The following RALYL variants were observed in gnomAD, a reference collection of about 807,000 sequenced individuals.
RALYL encodes RALY RNA binding protein like.
RALYL carries 29 observed loss-of-function variants against 35.1 expected under a neutral mutation model. The ratio of observed to expected loss-of-function variants is 0.83; its 90% confidence interval spans 0.61 to 1.13. The LOEUF is 1.13. RALYL is among the 50% of genes most tolerant of loss of function. RALYL has a pLI of 0.00. For synonymous variants in RALYL, 120 were observed against 127.6 expected (o/e 0.94, Z 0.40); for missense variants, 359 against 360.4 (o/e 1.00, Z 0.03).
intron 1 of RALYL, among the ~76,000 whole-genome samples, chr8:84,290,949 AT>A (rs1242607152): frequency 7.1e-6 from 1 of 140,348 alleles, no homozygotes; most frequent in Non-Finnish European, 1.5e-5. Flanking sequence ...TCTTTCTATA[AT>A]ACTTTTGATA....
At chr8:84,750,358 C>T (rs191721531) in intron 2 of RALYL, among the ~76,000 whole-genome samples, 21 of 152,264 alleles carry the variant, frequency 1.4e-4, no homozygotes, top group Admixed American at 7.2e-4. Flanking sequence ...CGCAACCTAT[C>T]TAAGAATGAT....
At chr8:84,690,873 A>T (rs764643289) in intron 2 of RALYL, among the ~76,000 whole-genome samples, 2 of 152,074 alleles carry the variant, frequency 1.3e-5, no homozygotes, top group Admixed American at 6.6e-5. Context: ...GATATTGGTG[A>T]TATCATCCAT....
chr8:84,885,137 C>T (rs1270542737), intron 7 of RALYL, among the ~76,000 whole-genome samples: 2 of 151,888 alleles, frequency 1.3e-5, no homozygotes, highest in South Asian at 2.1e-4. Flanking sequence ...TGTGGGTTAA[C>T]CTAGGTTACA....
intron 1 of RALYL, among the ~76,000 whole-genome samples, chr8:84,473,597 T>G (rs187741619): frequency 1.7e-3 from 251 of 151,890 alleles, no homozygotes; most frequent in African/African-American, 5.9e-3. Flanking sequence ...AAAATAGTCC[T>G]TATGTGGCAA....
chr8:84,460,734 T>G (rs573997412), intron 1 of RALYL, among the ~76,000 whole-genome samples: 13 of 151,822 alleles, frequency 8.6e-5, no homozygotes, highest in Non-Finnish European at 1.8e-4. Context: ...ACTTTCGTGG[T>G]CATTTCATTG....
At chr8:84,474,997 G>T (rs934603919) in intron 1 of RALYL, among the ~76,000 whole-genome samples, 1 of 150,782 alleles carries the variant, frequency 6.6e-6, no homozygotes, top group African/African-American at 2.4e-5. Flanking sequence ...GTGCCATGTT[G>T]GTTTGCTGCA....
chr8:84,358,342 T>G (rs1852275141), intron 1 of RALYL, among the ~76,000 whole-genome samples: 1 of 151,946 alleles, frequency 6.6e-6, no homozygotes, highest in South Asian at 2.1e-4. Context: ...ATAGTGGAAT[T>G]TAGAGAGTTC....
At chr8:84,730,504 T>G (rs1309505373) in intron 2 of RALYL, among the ~76,000 whole-genome samples, 1 of 141,546 alleles carries the variant, frequency 7.1e-6, no homozygotes, top group Non-Finnish European at 1.6e-5. Flanking sequence ...TCACCACTCC[T>G]ATTCAACATA....
At chr8:84,304,265 C>A (rs1241360521) in intron 1 of RALYL, among the ~76,000 whole-genome samples, 1 of 152,014 alleles carries the variant, frequency 6.6e-6, no homozygotes, top group Non-Finnish European at 1.5e-5. Context: ...CTACAGGCGC[C>A]CGCCACCAAG....
In RALYL at chr8:84,706,482, GA is replaced by G. The variant is rs1444466935; in HGVS notation, c.257-68096del. Among the ~76,000 whole-genome samples, 8 of 152,240 alleles carry G rather than the reference GA, an allele frequency of 5.3e-5. No individual in the cohort carries two copies. In the East Asian group the frequency reaches 1.5e-3, roughly 29 times the overall value. ...TCCAATTTCAATTACAACTCTTAGG[GA>G]GTAGAAAGCAGTTCAGAATGGAGGG... On this transcript the variant is annotated intron_variant, in intron 2 of 8. Coordinates refer to ENST00000521268, the MANE Select transcript of RALYL (RefSeq NM_173848.7).
rs144243960 is a variant in RALYL, at chr8:84,920,683, C to T, written c.859-211C>T. Among the ~76,000 whole-genome samples the T allele has an allele frequency of 2.8e-4, 43 of 151,822 alleles. No homozygotes were observed. In the East Asian group the frequency reaches 6.8e-3, roughly 24 times the overall value. On this transcript the variant is annotated intron_variant, in intron 8 of 8. Coordinates refer to ENST00000521268, the MANE Select transcript of RALYL (RefSeq NM_173848.7). ...ATAAATTAGCTGGATTAAAAAAAAT[C>T]GTAACATTCCATAAATGAAAATAAT... is the stretch of plus-strand genomic sequence containing the variant.
chr8:84,217,526 A>G (rs1821118053), intron 1 of RALYL, among the ~76,000 whole-genome samples: 1 of 152,078 alleles, frequency 6.6e-6, no homozygotes, highest in South Asian at 2.1e-4. Flanking sequence ...AGTGTATTTA[A>G]CACTACAAGG....
intron 1 of RALYL, among the ~76,000 whole-genome samples, chr8:84,405,714 A>G (rs1431281751): frequency 6.6e-6 from 1 of 152,164 alleles, no homozygotes; most frequent in Non-Finnish European, 1.5e-5. Context: ...GTTTCTTCAA[A>G]TACACTAATA....
intron 2 of RALYL, among the ~76,000 whole-genome samples, chr8:84,638,169 A>G (rs10095384): frequency 0.2 from 29,671 of 151,898 alleles, 3,138 homozygotes; most frequent in Non-Finnish European, 0.23. Context: ...CTTCAAAACT[A>G]TGCAAATACA....
At chr8:84,426,475 G>GTGTGTGTGT (rs1554662561) in intron 1 of RALYL, among the ~76,000 whole-genome samples, 25 of 70,716 alleles carry the variant, frequency 3.5e-4, no homozygotes, top group South Asian at 1.4e-3. Flanking sequence ...TGTGTGTGTG[G>GTGTGTGTGT]GTTTAGATTT....
At chr8:84,806,378 A>AAAT (rs1824604205) in intron 4 of RALYL, among the ~76,000 whole-genome samples, 1 of 152,168 alleles carries the variant, frequency 6.6e-6, no homozygotes, top group Non-Finnish European at 1.5e-5. Flanking sequence ...AAAAGGCCTG[A>AAAT]AATAGCTTCT....
chr8:84,658,803 G>T (rs529972139), intron 2 of RALYL, among the ~76,000 whole-genome samples: 2 of 152,242 alleles, frequency 1.3e-5, no homozygotes, highest in South Asian at 4.1e-4. Flanking sequence ...GGGACGTATT[G>T]AAAGAGGAAT....
chr8:84,665,749 C>T lies in RALYL; in HGVS notation c.257-108830C>T, dbSNP rs536401460. The T allele has an allele frequency of 4.0e-5, 6 of 151,432 alleles. No homozygotes were observed. In the South Asian group the frequency reaches 1.3e-3, roughly 32 times the overall value. 9.4% of individuals were successfully genotyped at this position (151,432 alleles called of 1,614,324 possible). Reference sequence around the variant, plus strand: ...TATTTTATTAATTTTTTTCAAAATCCAACTCCTGGAGAAATACGGAACACT... The same window carrying T: ...TATTTTATTAATTTTTTTCAAAATCTAACTCCTGGAGAAATACGGAACACT... On this transcript the variant is annotated intron_variant, in intron 2 of 8. Coordinates refer to ENST00000521268, the MANE Select transcript of RALYL (RefSeq NM_173848.7).
chr8:84,684,919 A>C (rs1836431557), intron 2 of RALYL, among the ~76,000 whole-genome samples: 1 of 152,168 alleles, frequency 6.6e-6, no homozygotes, highest in Admixed American at 6.5e-5. Context: ...TCAATCATCC[A>C]GGGGCTGGCA....
Sources: allele counts gnomAD v4.1 joint callset (sites outside exome capture counted in the v4.1 genomes callset), GRCh38; gene constraint gnomAD v4.1.1; transcripts MANE v1.5; gene names NCBI Gene and HGNC (gene_info 2026-07-23, HGNC 2026-07-21).